The following SATL1 variants were observed in gnomAD, a reference collection of about 807,000 sequenced individuals.
SATL1 encodes spermidine/spermine N1-acetyl transferase like 1, also known as spermidine/spermine N(1)-acetyltransferase-like protein 1.
In SATL1, 47 loss-of-function variants were observed where a neutral mutation model predicts 51.8. The ratio of observed to expected loss-of-function variants is 0.91; its 90% CI spans 0.72 to 1.16. The LOEUF (loss-of-function observed/expected upper bound fraction) is 1.16, where lower values mean the gene tolerates loss of function less well. SATL1 is among the 50% of genes most tolerant of loss of function. The pLI, the probability that SATL1 is intolerant of heterozygous loss-of-function variation, is 0.00. For synonymous variants in SATL1, 176 were observed against 182.4 expected (o/e 0.97, Z 0.28); for missense variants, 520 against 526.4 (o/e 0.99, Z 0.12).
intron 2 of SATL1, among the ~76,000 whole-genome samples, chrX:85,122,860 C>G (rs1487847049): frequency 9.0e-6 from 1 of 111,132 alleles, no homozygotes; most frequent in Non-Finnish European, 1.9e-5. Flanking sequence ...CTTGTTTGTG[C>G]TTGTTTGTAT....
At chrX:85,168,546 G>C (rs980937545) in intron 2 of SATL1, among the ~76,000 whole-genome samples, 4 of 110,536 alleles carry the variant, frequency 3.6e-5, no homozygotes, top group African/African-American at 1.3e-4. Context: ...AAAAGAATAC[G>C]TAGGAATACA....
At chrX:85,226,149 C>T (rs73511691) in intron 1 of SATL1, among the ~76,000 whole-genome samples, 5,644 of 111,239 alleles carry the variant, frequency 0.051, 386 homozygotes, top group African/African-American at 0.17. Context: ...TTCCCCATTT[C>T]CTGAAACTCT....
Position 85,092,327 on chromosome X carries a change from G to T in SATL1, c.*64C>A. The T allele has an allele frequency of 9.1e-7, 1 of 1,103,375 alleles. No homozygotes were observed. The highest frequency in any genetic ancestry group is 3.2e-5 in the Admixed American group (1 of 30,812). 90.9% of individuals were successfully genotyped at this position (1,103,375 alleles called of 1,213,427 possible). A position where few individuals can be genotyped will look rare whatever the true frequency, so the allele number is the denominator to read the frequency against. On this transcript the variant is annotated 3_prime_UTR_variant, in exon 8 of 8. Coordinates refer to ENST00000644105, the MANE Select transcript of SATL1 (RefSeq NM_001367857.2). ...TATTGTACAACAAAGTCAAACTGCT[G>T]TTAGACTCAGGTGACAGTCAAATGT...
chrX:85,171,843 G>A (rs753113634), intron 2 of SATL1, among the ~76,000 whole-genome samples: 1 of 111,722 alleles, frequency 9.0e-6, no homozygotes, highest in South Asian at 3.7e-4. Context: ...CCTCTCTCAT[G>A]TGTTTATGAG....
intron 1 of SATL1, among the ~76,000 whole-genome samples, chrX:85,240,993 C>A (rs1449896706): frequency 3.7e-5 from 4 of 107,887 alleles, no homozygotes; most frequent in Admixed American, 2.9e-4. Flanking sequence ...ACAATCTCAT[C>A]TTATTTGTTT....
intron 4 of SATL1, among the ~76,000 whole-genome samples, chrX:85,095,540 A>G (rs187423590): frequency 9.0e-6 from 1 of 111,345 alleles, no homozygotes; most frequent in East Asian, 2.8e-4. Flanking sequence ...CTAGATAAAG[A>G]TGGAGGCCGG....
chrX:85,124,558 C>T (rs1602848995), intron 2 of SATL1, among the ~76,000 whole-genome samples: 1 of 111,313 alleles, frequency 9.0e-6, no homozygotes, highest in Non-Finnish European at 1.9e-5. Context: ...CAAATATGTA[C>T]TTAGCACCCA....
chrX:85,182,577 C>T (rs1351849809), intron 2 of SATL1, among the ~76,000 whole-genome samples: 1 of 111,536 alleles, frequency 9.0e-6, no homozygotes, highest in East Asian at 2.8e-4. Context: ...TCTTTGATAT[C>T]CTTTGATTTC....
At chrX:85,128,640 T>C (rs772678945) in intron 2 of SATL1, among the ~76,000 whole-genome samples, 2 of 112,241 alleles carry the variant, frequency 1.8e-5, no homozygotes, top group African/African-American at 6.5e-5. Flanking sequence ...GTGCAGAAGC[T>C]CTTTAGTTTC....
At chrX:85,113,274 T>A (rs1345395309) in intron 2 of SATL1, among the ~76,000 whole-genome samples, 1 of 109,947 alleles carries the variant, frequency 9.1e-6, no homozygotes, top group East Asian at 3.0e-4. Flanking sequence ...AGGAGACAAA[T>A]CAGGTTATTT....
chrX:85,221,295 G>A (rs771693412), intron 2 of SATL1, among the ~76,000 whole-genome samples: 1 of 111,618 alleles, frequency 9.0e-6, no homozygotes. Flanking sequence ...TACTTACTAT[G>A]ATGTAAGCAC....
At chrX:85,224,988 A>G (rs772345433) in intron 1 of SATL1, among the ~76,000 whole-genome samples, 5 of 111,209 alleles carry the variant, frequency 4.5e-5, no homozygotes, top group Admixed American at 9.6e-5. Flanking sequence ...ATGGATCCCC[A>G]AAGATTATGC....
intron 2 of SATL1, among the ~76,000 whole-genome samples, chrX:85,199,075 G>A (rs968734465): frequency 2.7e-5 from 3 of 109,636 alleles, no homozygotes; most frequent in Non-Finnish European, 5.7e-5. Context: ...TCCTGACCTC[G>A]ACATTAGCCC....
At chrX:85,154,857 A>G (rs1926547904) in intron 2 of SATL1, among the ~76,000 whole-genome samples, 1 of 112,457 alleles carries the variant, frequency 8.9e-6, no homozygotes, top group African/African-American at 3.2e-5. Flanking sequence ...AAAATCTCAT[A>G]AATTTTATAT....
chrX:85,160,073 G>A (rs1333395726), intron 2 of SATL1, among the ~76,000 whole-genome samples: 1 of 110,760 alleles, frequency 9.0e-6, no homozygotes, highest in Non-Finnish European at 1.9e-5. Context: ...GTTGTGAGCT[G>A]AGCCTTGGCC....
At chrX:85,110,997 T>C (rs1484216188) in intron 2 of SATL1, among the ~76,000 whole-genome samples, 3 of 112,632 alleles carry the variant, frequency 2.7e-5, no homozygotes, top group African/African-American at 9.7e-5. Flanking sequence ...TTGACATAGG[T>C]CACACAGCTA....
chrX:85,103,357 A>T (rs764151828), intron 4 of SATL1, among the ~76,000 whole-genome samples: 1 of 111,814 alleles, frequency 8.9e-6, no homozygotes, highest in South Asian at 3.7e-4. Context: ...CAATTCTTCT[A>T]GATTTTGATA....
rs770485395 is a variant in SATL1, at chrX:85,122,628, AAAG to A, written c.-312-13351_-312-13349del. 1.7e-4 allele frequency among the ~76,000 whole-genome samples: 19 copies of A among 112,031 alleles called. No individual in the cohort carries two copies. In the South Asian group the frequency reaches 7.0e-3, roughly 41 times the overall value. On this transcript the variant is annotated intron_variant, in intron 2 of 7. Transcript: ENST00000644105. ...ATAAATAAGTGTACAAAAAAAAAGA[AAAG>A]AAGAAGAAATAAACTTTTCTTTTTC...
intron 1 of SATL1, among the ~76,000 whole-genome samples, chrX:85,226,243 C>T (rs983580540): frequency 5.4e-5 from 6 of 110,973 alleles, no homozygotes; most frequent in African/African-American, 2.0e-4. Flanking sequence ...TTCCTTTCAC[C>T]TACTTGCTCT....
Sources: allele counts gnomAD v4.1 joint callset (sites outside exome capture counted in the v4.1 genomes callset), GRCh38; gene constraint gnomAD v4.1.1; transcripts MANE v1.5; gene names NCBI Gene and HGNC (gene_info 2026-07-23, HGNC 2026-07-21).